Variants in SLIT3 observed in about 807,000 individuals in gnomAD.
The protein encoded by SLIT3 is slit homolog 3 protein.
SLIT3 carries 68 observed loss-of-function variants against 184.0 expected under a neutral mutation model. That is an observed-to-expected ratio of 0.37 (90% CI 0.30 to 0.45). SLIT3 has a LOEUF of 0.45. SLIT3 is among the 20% of genes least tolerant of loss of function. SLIT3 has a pLI of 1.00. For synonymous variants in SLIT3, 831 were observed against 828.6 expected (o/e 1.00, Z -0.05); for missense variants, 1,707 against 2,026.0 (o/e 0.84, Z 3.02).
intron 4 of SLIT3, among the ~76,000 whole-genome samples, chr5:169,136,721 G>C (rs1392376067): frequency 6.6e-6 from 1 of 152,128 alleles, no homozygotes; most frequent in Non-Finnish European, 1.5e-5. Context: ...TGGAGAATGG[G>C]CCAGGGTATT....
chr5:168,685,292 C>G (rs770304309), intron 31 of SLIT3, among the ~76,000 whole-genome samples: 40 of 152,134 alleles, frequency 2.6e-4, no homozygotes, highest in Non-Finnish European at 3.7e-4. Flanking sequence ...AAAGTATTGC[C>G]AAGGTTGAAA....
chr5:168,686,519 C>A (rs1761749582), intron 30 of SLIT3, among the ~76,000 whole-genome samples: 1 of 152,200 alleles, frequency 6.6e-6, no homozygotes, highest in Non-Finnish European at 1.5e-5. Flanking sequence ...TTATATAAAG[C>A]ATCTAGAGTA....
Position 168,987,102 on chromosome 5 carries a change from T to C in SLIT3, c.414-103766A>G, listed in dbSNP as rs369438097. On this transcript the variant is annotated intron_variant, in intron 4 of 35. Coordinates refer to ENST00000519560, the MANE Select transcript of SLIT3 (RefSeq NM_003062.4). ...AACACGGACTTGGCCAGCTTATTAA[T>C]GGTCACTAAGCTGTAGCTCTCTCTG... 2.1e-4 allele frequency among the ~76,000 whole-genome samples: 32 copies of C among 152,340 alleles called. No homozygotes were observed. In the South Asian group the frequency reaches 2.9e-3, roughly 14 times the overall value.
intron 4 of SLIT3, among the ~76,000 whole-genome samples, chr5:169,000,219 T>C (rs915701625): frequency 6.6e-6 from 1 of 151,626 alleles, no homozygotes; most frequent in Non-Finnish European, 1.5e-5. Context: ...TGGTGAAACC[T>C]CGTTTCTACT....
intron 29 of SLIT3, among the ~76,000 whole-genome samples, chr5:168,690,123 G>A (rs1220264790): frequency 6.7e-6 from 1 of 149,910 alleles, no homozygotes; most frequent in African/African-American, 2.5e-5. Flanking sequence ...CCTTGACCAC[G>A]TTTTTGTTTT....
rs563353238 is a variant in SLIT3 at position 169,094,192 on chromosome 5, A to C, written c.413+99287T>G. On this transcript the variant is annotated intron_variant, in intron 4 of 35. Coordinates refer to ENST00000519560, the MANE Select transcript of SLIT3 (RefSeq NM_003062.4). Reference sequence around the variant, plus strand: ...GTATTCTTTTTGTTAATTTAACTTAATATTTGTAAGATCCCAATGAGGTCA... The same window carrying C: ...GTATTCTTTTTGTTAATTTAACTTACTATTTGTAAGATCCCAATGAGGTCA... Among the ~76,000 whole-genome samples the C allele has an allele frequency of 3.9e-4, 60 of 152,362 alleles. 3 individuals are homozygous for C. The South Asian group carries it at 0.012, about 32-fold the overall frequency.
intron 3 of SLIT3, among the ~76,000 whole-genome samples, chr5:169,224,845 C>T (rs1254314032): frequency 1.3e-5 from 2 of 152,020 alleles, no homozygotes; most frequent in Non-Finnish European, 2.9e-5. Flanking sequence ...GGCAACCATG[C>T]CCAGCTAATT....
rs115543427 is a variant in SLIT3, at chr5:169,100,131, T to C, written c.413+93348A>G. ...AAAACAGAGTAGAGTGTGTGGTCTA[T>C]ACAAACAGGTAGGTTCAAGCCTGCA... On this transcript the variant is annotated intron_variant, in intron 4 of 35. Coordinates refer to ENST00000519560, the MANE Select transcript of SLIT3 (RefSeq NM_003062.4). Among the ~76,000 whole-genome samples, 418 of 152,268 alleles carry C rather than the reference T, an allele frequency of 2.7e-3. 4 individuals carry two copies. Among genetic ancestry groups the C allele is most frequent in the African/African-American group, 8.9e-3 (370 of 41,546 alleles).
At chr5:168,823,952 A>C (rs1345441648) in intron 6 of SLIT3, among the ~76,000 whole-genome samples, 1 of 152,074 alleles carries the variant, frequency 6.6e-6, no homozygotes, top group Non-Finnish European at 1.5e-5. Context: ...CAGCACATCT[A>C]ATCTTTTTAT....
chr5:168,868,747 C>CAAAAAAAAAAA (rs375837097), intron 5 of SLIT3, among the ~76,000 whole-genome samples: 1 of 69,300 alleles, frequency 1.4e-5, no homozygotes, highest in African/African-American at 5.4e-5. Flanking sequence ...GAATCTGCCT[C>CAAAAAAAAAAA]AAAAAAAAAA....
intron 4 of SLIT3, among the ~76,000 whole-genome samples, chr5:168,906,320 T>A (rs1761051751): frequency 6.6e-6 from 1 of 152,210 alleles, no homozygotes; most frequent in Non-Finnish European, 1.5e-5. Flanking sequence ...TAAAGGAACA[T>A]CACAGGCAAT....
chr5:168,890,531 T>C (rs1760414493), intron 4 of SLIT3, among the ~76,000 whole-genome samples: 1 of 152,252 alleles, frequency 6.6e-6, no homozygotes, highest in Admixed American at 6.5e-5. Flanking sequence ...TACACATTCA[T>C]TCCTGTTAAT....
At chr5:168,776,872 C>G (rs1460720306) in intron 12 of SLIT3, among the ~76,000 whole-genome samples, 1 of 152,034 alleles carries the variant, frequency 6.6e-6, no homozygotes, top group Non-Finnish European at 1.5e-5. Flanking sequence ...GTGTTTTGTT[C>G]TAAACCTTGA....
rs1756968854 is a variant in SLIT3, at chr5:168,806,556, G to C, written c.825C>G (p.Ala275=). 6.2e-7 allele frequency: 1 copy of C among 1,614,214 alleles called. No homozygotes were observed. Among genetic ancestry groups the C allele is most frequent in the Non-Finnish European group, 8.5e-7 (1 of 1,180,022 alleles). ...AGGGCGAAGGGCAGGAGATGGAGTT[G>C]GCATTGCAGGATGGGGGCTCCGAGT... ...APHSEPPSCN[A]NSISCPSPCT... The change falls in exon 9 of 36, where the codon GCC becomes GCG. Residue 275 remains alanine (A), a synonymous_variant. Transcript: ENST00000519560.
intron 4 of SLIT3, among the ~76,000 whole-genome samples, chr5:169,092,802 C>T (rs1052713207): frequency 6.6e-6 from 1 of 152,178 alleles, no homozygotes; most frequent in African/African-American, 2.4e-5. Flanking sequence ...CTTCTCATCC[C>T]TGTCCTGAGC....
intron 3 of SLIT3, among the ~76,000 whole-genome samples, chr5:169,198,975 C>CACACACAT (rs1554106521): frequency 7.2e-6 from 1 of 139,380 alleles, no homozygotes; most frequent in African/African-American, 2.6e-5. Flanking sequence ...CACACACACA[C>CACACACAT]ATATGTGTGT....
intron 4 of SLIT3, among the ~76,000 whole-genome samples, chr5:169,057,058 C>A (rs1025145096): frequency 6.6e-6 from 1 of 152,194 alleles, no homozygotes; most frequent in African/African-American, 2.4e-5. Context: ...TGATATATTT[C>A]ACTTTTTGTG....
intron 12 of SLIT3, among the ~76,000 whole-genome samples, chr5:168,778,121 T>C (rs912442426): frequency 2.0e-5 from 3 of 152,168 alleles, no homozygotes; most frequent in Non-Finnish European, 2.9e-5. Flanking sequence ...TTGAGGAGCA[T>C]TGGTGTAACT....
intron 1 of SLIT3, among the ~76,000 whole-genome samples, chr5:169,285,116 T>C (rs991029637): frequency 1.1e-4 from 17 of 152,074 alleles, no homozygotes; most frequent in African/African-American, 4.1e-4. Context: ...GGGGTCTCAC[T>C]ATGTAGCTCA....
Sources: gnomAD v4.1 joint callset for allele counts (sites outside exome capture counted in the v4.1 genomes callset) on GRCh38, gnomAD v4.1.1 for gene constraint, MANE v1.5 for transcripts, NCBI Gene and HGNC (gene_info 2026-07-23, HGNC 2026-07-21) for gene names.